Variants in TAS2R1 observed in about 807,000 individuals in gnomAD.
TAS2R1 encodes taste 2 receptor member 1, also known as taste receptor type 2 member 1.
For missense variants in TAS2R1, 370 were observed against 353.4 expected (o/e 1.05, Z -0.38); for synonymous variants, 141 against 134.2 (o/e 1.05, Z -0.35).
At chr5:9,649,150 G>T (rs1426586026) in intron 2 of TAS2R1, among the ~76,000 whole-genome samples, 1 of 152,126 alleles carries the variant, frequency 6.6e-6, no homozygotes. Flanking sequence ...GATACACCCA[G>T]ATCTTTGGCA....
chr5:9,644,572 G>C (rs1006438585), intron 2 of TAS2R1, among the ~76,000 whole-genome samples: 2 of 152,184 alleles, frequency 1.3e-5, no homozygotes, highest in African/African-American at 2.4e-5. Flanking sequence ...ACTGCAGGTA[G>C]AGATGATATT....
At chr5:9,843,045 C>A in the TAS2R1 span, among the ~76,000 whole-genome samples, 4 of 152,106 alleles carry the variant, frequency 2.6e-5, no homozygotes, top group Non-Finnish European at 5.9e-5. Context: ...TGCTATCCAA[C>A]CCCAGGCTAA....
chr5:9,666,365 C>T (rs1398087633), intron 1 of TAS2R1, among the ~76,000 whole-genome samples: 1 of 152,146 alleles, frequency 6.6e-6, no homozygotes, highest in African/African-American at 2.4e-5. Flanking sequence ...CTCTATGAAG[C>T]TCACATCTGC....
At chr5:9,654,593 A>G (rs1451001685) in intron 2 of TAS2R1, among the ~76,000 whole-genome samples, 2 of 152,218 alleles carry the variant, frequency 1.3e-5, no homozygotes, top group South Asian at 2.1e-4. Flanking sequence ...CCAGAAAGGA[A>G]AAAATGTCCA....
At chr5:9,900,683 T>C in the TAS2R1 span, among the ~76,000 whole-genome samples, 7 of 145,730 alleles carry the variant, frequency 4.8e-5, no homozygotes, top group South Asian at 1.3e-3. Context: ...TGCAGTGGCG[T>C]GATCTCGGCT....
chr5:9,673,231 A>C (rs1361471429), intron 1 of TAS2R1, among the ~76,000 whole-genome samples: 1 of 152,186 alleles, frequency 6.6e-6, no homozygotes, highest in African/African-American at 2.4e-5. Context: ...TAATCTGTAC[A>C]CCAAGCCCAT....
rs114551889 is a variant in TAS2R1 at position 9,652,472 on chromosome 5, T to C, written c.-81+6949A>G. 8.8e-3 allele frequency among the ~76,000 whole-genome samples: 1,334 copies of C among 152,220 alleles called. 20 individuals carry two copies. Among genetic ancestry groups the C allele is most frequent in the African/African-American group, 0.031 (1,279 of 41,540 alleles). On this transcript the variant is annotated intron_variant, in intron 2 of 2. Transcript: ENST00000506620. The stretch of plus-strand genomic sequence containing the variant: ...CTATCGTCATCCTCTTCCTCTTCAC[T>C]GGCTGAGTAGAGAGGATTCCAAGGA...
chr5:9,685,870 T>C (rs1372741154), intron 1 of TAS2R1, among the ~76,000 whole-genome samples: 1 of 152,198 alleles, frequency 6.6e-6, no homozygotes, highest in African/African-American at 2.4e-5. Context: ...TTCGTTTGTT[T>C]GTTTTTGTTT....
At chr5:9,774,634 A>G in the TAS2R1 span, among the ~76,000 whole-genome samples, 3 of 152,270 alleles carry the variant, frequency 2.0e-5, no homozygotes, top group East Asian at 5.8e-4. Flanking sequence ...TCATGTAGCC[A>G]TATCTGCATT....
chr5:9,644,975 T>C (rs1012292538), intron 2 of TAS2R1, among the ~76,000 whole-genome samples: 10 of 152,176 alleles, frequency 6.6e-5, no homozygotes, highest in Non-Finnish European at 1.5e-4. Flanking sequence ...CAGATTTTTA[T>C]TGGTGCTATA....
At chr5:9,720,530 C>T in the TAS2R1 span, among the ~76,000 whole-genome samples, 2 of 152,208 alleles carry the variant, frequency 1.3e-5, no homozygotes, top group Non-Finnish European at 2.9e-5. Context: ...TCAAGCCTAA[C>T]GCCAAGGGGA....
At chr5:9,632,923 T>C (rs1449448942), upstream of TAS2R1, among the ~76,000 whole-genome samples, 3 of 151,998 alleles carry the variant, frequency 2.0e-5, no homozygotes, top group African/African-American at 7.2e-5. Context: ...CACTTCTTAG[T>C]GGTATCTAAA....
the TAS2R1 span, among the ~76,000 whole-genome samples, chr5:9,738,531 G>A: frequency 6.6e-6 from 1 of 152,082 alleles, no homozygotes; most frequent in African/African-American, 2.4e-5. Context: ...AGTCTGATAG[G>A]GGTACGGTTT....
chr5:9,791,753 A>C, the TAS2R1 span, among the ~76,000 whole-genome samples: 58 of 152,258 alleles, frequency 3.8e-4, 1 homozygote, highest in African/African-American at 1.4e-3. Context: ...CCTGTCCTCC[A>C]AGATTCATTT....
the TAS2R1 span, among the ~76,000 whole-genome samples, chr5:9,821,308 C>T: frequency 6.6e-6 from 1 of 152,166 alleles, no homozygotes; most frequent in African/African-American, 2.4e-5. Context: ...CACACCACCA[C>T]CACCACCACC....
the TAS2R1 span, among the ~76,000 whole-genome samples, chr5:9,880,745 G>A: frequency 6.6e-6 from 1 of 152,166 alleles, no homozygotes; most frequent in Non-Finnish European, 1.5e-5. Flanking sequence ...CAAAAGCAGG[G>A]ACAAATCAAT....
the TAS2R1 span, among the ~76,000 whole-genome samples, chr5:9,863,663 C>T: frequency 6.6e-6 from 1 of 152,352 alleles, no homozygotes; most frequent in South Asian, 2.1e-4. Context: ...AGATTGCTCT[C>T]TCAGTGCTCA....
intron 1 of TAS2R1, among the ~76,000 whole-genome samples, chr5:9,664,124 T>A (rs758551460): frequency 2.0e-5 from 3 of 152,120 alleles, no homozygotes; most frequent in Non-Finnish European, 4.4e-5. Flanking sequence ...GCAGCCCCTA[T>A]CGAACCATGC....
the TAS2R1 span, among the ~76,000 whole-genome samples, chr5:9,791,819 T>C: frequency 6.6e-6 from 1 of 152,222 alleles, no homozygotes; most frequent in African/African-American, 2.4e-5. Context: ...TTGTACAGCC[T>C]GGGTGTGGGG....
Sources: allele counts gnomAD v4.1 joint callset (sites outside exome capture counted in the v4.1 genomes callset), GRCh38; gene constraint gnomAD v4.1.1; transcripts MANE v1.5; gene names NCBI Gene and HGNC (gene_info 2026-07-23, HGNC 2026-07-21).